The following PEAK1 variants were observed in gnomAD, a reference collection of about 807,000 sequenced individuals.
PEAK1 encodes pseudopodium enriched atypical kinase 1.
Under a neutral mutation model 124.7 loss-of-function variants are expected in PEAK1, and 54 were observed. The observed-to-expected ratio is 0.43, with a 90% CI of 0.35 to 0.54. The LOEUF (loss-of-function observed/expected upper bound fraction) is 0.54, where lower values mean the gene tolerates loss of function less well. PEAK1 is among the 20% of genes least tolerant of loss of function. The pLI, the probability that PEAK1 is intolerant of heterozygous loss-of-function variation, is 0.01. For missense variants in PEAK1, 2,046 were observed against 2,134.5 expected (o/e 0.96, Z 0.82); for synonymous variants, 719 against 760.0 (o/e 0.95, Z 0.89).
chr15:77,116,701 A>T lies in PEAK1; in HGVS notation c.4078-1382T>A, dbSNP rs541770829. Among the ~76,000 whole-genome samples the T allele has an allele frequency of 2.3e-3, 339 of 145,854 alleles. 2 individuals carry two copies. Among genetic ancestry groups the T allele is most frequent in the African/African-American group, 5.9e-3 (231 of 39,164 alleles). ...GTGATCAGTGCCATGGAAATCAATCAATCTATCTATCTATCTATCTATCTA... is the reference window on the plus strand; with the variant it reads ...GTGATCAGTGCCATGGAAATCAATCTATCTATCTATCTATCTATCTATCTA... On this transcript the variant is annotated intron_variant, in intron 9 of 9. Coordinates refer to ENST00000682557, the MANE Select transcript of PEAK1 (RefSeq NM_001385026.1).
intron 1 of PEAK1, among the ~76,000 whole-genome samples, chr15:77,406,451 T>C (rs755337796): frequency 2.6e-5 from 4 of 152,302 alleles, no homozygotes; most frequent in Non-Finnish European, 5.9e-5. Context: ...ACAAAATCAA[T>C]GTACACAAAT....
At chr15:77,349,150 C>T in intron 2 of PEAK1, 3 of 459,474 alleles carry the variant, frequency 6.5e-6, no homozygotes, top group African/African-American at 2.1e-5. Context: ...CGCCATTCTC[C>T]TGCCTCAGCC....
chr15:77,172,694 C>A (rs1440312796), intron 7 of PEAK1, among the ~76,000 whole-genome samples: 1 of 152,144 alleles, frequency 6.6e-6, no homozygotes, highest in East Asian at 1.9e-4. Context: ...GTGTACTTCC[C>A]ATTTAATTAC....
At chr15:77,184,627 T>TA (rs2057447110) in intron 6 of PEAK1, among the ~76,000 whole-genome samples, 1 of 152,196 alleles carries the variant, frequency 6.6e-6, no homozygotes, top group Non-Finnish European at 1.5e-5. Context: ...CTGGGCGCGG[T>TA]AGCTCATGCC....
chr15:77,115,438 C>A (rs1052522608), intron 9 of PEAK1, 119 bp from the exon 10 acceptor site: 3 of 911,846 alleles, frequency 3.3e-6, no homozygotes, highest in Non-Finnish European at 4.9e-6. Flanking sequence ...TAAAGTTGTT[C>A]GCAAGGCTTG....
chr15:77,336,953 CTATA>C (rs201734844), intron 2 of PEAK1: 4 of 250,688 alleles, frequency 1.6e-5, no homozygotes, highest in African/African-American at 9.4e-5. Flanking sequence ...AATTAATAAC[CTATA>C]TATATATGTA....
chr15:77,258,389 C>G (rs147839100), intron 5 of PEAK1, among the ~76,000 whole-genome samples: 3,277 of 152,114 alleles, frequency 0.022, 115 homozygotes, highest in African/African-American at 0.074. Context: ...TGTTGGTATC[C>G]TCTTTTATTT....
chr15:77,346,222 G>A (rs1247719442), intron 2 of PEAK1: 2 of 930,938 alleles, frequency 2.1e-6, no homozygotes, highest in Non-Finnish European at 2.6e-6. Context: ...AGAACTAAGA[G>A]TGCCACAGTT....
chr15:77,106,423 G>A (rs1174286940), downstream of PEAK1: 1 of 152,128 alleles, frequency 6.6e-6, no homozygotes, highest in African/African-American at 2.4e-5. Flanking sequence ...CAGTGCAGTG[G>A]AGCAATCTCG....
chr15:77,318,940 T>C (rs2065036582), intron 2 of PEAK1, among the ~76,000 whole-genome samples: 1 of 152,092 alleles, frequency 6.6e-6, no homozygotes, highest in African/African-American at 2.4e-5. Flanking sequence ...AACAATGTGG[T>C]CAATGTTCTA....
intron 8 of PEAK1, among the ~76,000 whole-genome samples, chr15:77,148,894 C>A (rs1218580671): frequency 6.6e-6 from 1 of 152,094 alleles, no homozygotes; most frequent in Non-Finnish European, 1.5e-5. Flanking sequence ...TGCACTCCAG[C>A]ATGGGCGATA....
chr15:77,187,936 T>G (rs935866707), intron 6 of PEAK1, among the ~76,000 whole-genome samples: 2 of 152,146 alleles, frequency 1.3e-5, no homozygotes, highest in Non-Finnish European at 2.9e-5. Flanking sequence ...CACGTCACTG[T>G]TCCCAACCTT....
intron 6 of PEAK1, among the ~76,000 whole-genome samples, chr15:77,231,097 A>T (rs1285547107): frequency 6.6e-6 from 1 of 152,224 alleles, no homozygotes; most frequent in Non-Finnish European, 1.5e-5. Flanking sequence ...CAATGTATAC[A>T]ATAATCCAAA....
rs1491441834 is a variant in PEAK1 at position 77,168,231 on chromosome 15, G to GCA, written c.3138-9536_3138-9535insTG. On this transcript the variant is annotated intron_variant, in intron 7 of 9. Coordinates refer to ENST00000682557, the MANE Select transcript of PEAK1 (RefSeq NM_001385026.1). Reference sequence around the variant, plus strand: ...CATATGTACATGCACATATGCATGTGCGCGCGCACACACACACACACACAC... The same window carrying GCA: ...CATATGTACATGCACATATGCATGTGCACGCGCGCACACACACACACACACAC... Among the ~76,000 whole-genome samples, 11 of 63,728 alleles carry GCA rather than the reference G, an allele frequency of 1.7e-4. No individual in the cohort carries two copies. The East Asian group carries it at 2.1e-3, about 12-fold the overall frequency. 41.8% of individuals were successfully genotyped at this position (63,728 alleles called of 152,430 possible).
intron 1 of PEAK1, among the ~76,000 whole-genome samples, chr15:77,367,304 G>A (rs1367796090): frequency 2.0e-5 from 3 of 152,094 alleles, no homozygotes; most frequent in African/African-American, 7.2e-5. Context: ...TCATGTATAC[G>A]ATTCAAGAAC....
At chr15:77,140,314 T>A (rs1192925647) in intron 8 of PEAK1, among the ~76,000 whole-genome samples, 2 of 148,904 alleles carry the variant, frequency 1.3e-5, no homozygotes, top group Non-Finnish European at 3.0e-5. Context: ...AGACTGTCTT[T>A]TATGAATACA....
chr15:77,415,371 A>C (rs1376670344), intron 1 of PEAK1, among the ~76,000 whole-genome samples: 2 of 152,192 alleles, frequency 1.3e-5, no homozygotes, highest in South Asian at 2.1e-4. Flanking sequence ...ACTACAGACT[A>C]TCTTTTTTTC....
chr15:77,305,642 G>A (rs1315310848), intron 2 of PEAK1, among the ~76,000 whole-genome samples: 1 of 152,116 alleles, frequency 6.6e-6, no homozygotes, highest in African/African-American at 2.4e-5. Flanking sequence ...TAGGACATGG[G>A]GAGAACAGTA....
chr15:77,255,865 T>G (rs964578316), intron 5 of PEAK1, among the ~76,000 whole-genome samples: 1 of 152,202 alleles, frequency 6.6e-6, no homozygotes, highest in Non-Finnish European at 1.5e-5. Flanking sequence ...CTGACCAGTA[T>G]GCTAAGGCAC....
Sources: gnomAD v4.1 joint callset for allele counts (sites outside exome capture counted in the v4.1 genomes callset) on GRCh38, gnomAD v4.1.1 for gene constraint, MANE v1.5 for transcripts, NCBI Gene and HGNC (gene_info 2026-07-23, HGNC 2026-07-21) for gene names.